Variants in ACTR1A observed in about 807,000 individuals in gnomAD.
ACTR1A encodes alpha-centractin.
ACTR1A carries 10 observed loss-of-function variants against 50.7 expected under a neutral mutation model. That is an observed-to-expected ratio of 0.20 (90% CI 0.12 to 0.33). ACTR1A has a LOEUF of 0.33. Ranked by LOEUF, ACTR1A falls within the 10% of genes least tolerant of loss-of-function variation. ACTR1A has a pLI of 1.00. For synonymous variants in ACTR1A, 177 were observed against 184.2 expected (o/e 0.96, Z 0.32); for missense variants, 253 against 491.7 (o/e 0.51, Z 4.59).
At chr10:102,502,043 A>G (rs920228138) in intron 1 of ACTR1A, among the ~76,000 whole-genome samples, 2 of 152,172 alleles carry the variant, frequency 1.3e-5, no homozygotes, top group Admixed American at 1.3e-4. Flanking sequence ...GACCGAAGGA[A>G]AACTTAGCCG....
chr10:102,486,810 A>C (rs1361587881), intron 4 of ACTR1A, among the ~76,000 whole-genome samples: 1 of 150,480 alleles, frequency 6.6e-6, no homozygotes, highest in Non-Finnish European at 1.5e-5. Flanking sequence ...TTTTGAGACA[A>C]GGTCTCACTC....
chr10:102,495,677 C>T (rs11191305), intron 1 of ACTR1A, among the ~76,000 whole-genome samples: 52,754 of 149,874 alleles, frequency 0.35, 9,462 homozygotes, highest in African/African-American at 0.39. Context: ...TGCAGTGAGC[C>T]GAGATTGCGC....
rs181270088 is a variant in ACTR1A at position 102,502,701 on chromosome 10, A to G, written c.-54T>C. On this transcript the variant is annotated 5_prime_UTR_variant, in exon 1 of 11. Coordinates refer to ENST00000369905, the MANE Select transcript of ACTR1A (RefSeq NM_005736.4). ...GAACTGCCCAGCCGGGTCCGCCGCTAGCGCCACTGACACGCATGCGCAGTC... is the reference window on the plus strand; with the variant it reads ...GAACTGCCCAGCCGGGTCCGCCGCTGGCGCCACTGACACGCATGCGCAGTC... The G allele has an allele frequency of 2.5e-6, 4 of 1,598,318 alleles. No homozygotes were observed. Among genetic ancestry groups the G allele is most frequent in the African/African-American group, 1.3e-5 (1 of 74,744 alleles).
intron 4 of ACTR1A, among the ~76,000 whole-genome samples, 164 bp from the exon 5 acceptor site, chr10:102,485,897 A>C (rs1194801998): frequency 6.6e-6 from 1 of 152,136 alleles, no homozygotes; most frequent in Non-Finnish European, 1.5e-5. Flanking sequence ...CTGCCCAAGT[A>C]GTTTTCTCAA....
intron 6 of ACTR1A, among the ~76,000 whole-genome samples, chr10:102,483,880 T>C (rs994067743): frequency 1.3e-5 from 2 of 152,116 alleles, no homozygotes; most frequent in African/African-American, 2.4e-5. Context: ...CCAAACCCTA[T>C]GTAATTTGCA....
At position 102,487,119 on chromosome 10, in the gene ACTR1A, A is replaced by C. The variant is rs940647716; in HGVS notation, c.315+1031T>G. ...TTTGAATGGAGAGTTACTTCCTTAC[A>C]AGTTAATAAGCACAGGCTGCACAAG... On this transcript the variant is annotated intron_variant, in intron 4 of 10. Coordinates refer to ENST00000369905, the MANE Select transcript of ACTR1A (RefSeq NM_005736.4). 2.9e-4 allele frequency among the ~76,000 whole-genome samples: 44 copies of C among 152,176 alleles called. No homozygotes were observed. The East Asian group carries it at 7.9e-3, about 27-fold the overall frequency.
intron 1 of ACTR1A, among the ~76,000 whole-genome samples, chr10:102,500,467 G>A (rs975421775): frequency 6.6e-6 from 1 of 152,154 alleles, no homozygotes; most frequent in African/African-American, 2.4e-5. Flanking sequence ...TACTCGGGAG[G>A]CTGAGGCAGG....
At chr10:102,489,244 AG>A in intron 2 of ACTR1A, 106 bp from the exon 3 acceptor site, 1 of 702,926 alleles carries the variant, frequency 1.4e-6, no homozygotes, top group Non-Finnish European at 2.1e-6. Context: ...ATTATCTTCA[AG>A]GAGTGAAGTC....
intron 2 of ACTR1A, 28 bp from the exon 3 acceptor site, chr10:102,489,166 A>G (rs2062181413): frequency 2.0e-6 from 3 of 1,512,146 alleles, no homozygotes; most frequent in Non-Finnish European, 1.8e-6. Flanking sequence ...GAGGACCATC[A>G]TTTTTCATTT....
Position 102,502,680 on chromosome 10 carries a change from T to C in ACTR1A, c.-33A>G, listed in dbSNP as rs1157267072. The stretch of plus-strand genomic sequence containing the variant: ...GAATCTCTCCTTCTGGGGAAGGAAC[T>C]GCCCAGCCGGGTCCGCCGCTAGCGC... On this transcript the variant is annotated 5_prime_UTR_variant, in exon 1 of 11. Transcript: ENST00000369905. The C allele has an allele frequency of 6.2e-7, 1 of 1,612,190 alleles. No individual in the cohort carries two copies. Among genetic ancestry groups the C allele is most frequent in the Non-Finnish European group, 8.5e-7 (1 of 1,178,602 alleles).
Position 102,479,319 on chromosome 10 carries a change from GC to G in ACTR1A, c.*1543del. 2 of 402,632 alleles carry G rather than the reference GC, an allele frequency of 5.0e-6. No individual in the cohort carries two copies. The highest frequency in any genetic ancestry group is 9.2e-6 in the Non-Finnish European group (2 of 216,532). The allele number at this position is 402,632 out of a possible 1,614,324, so 24.9% of individuals were successfully genotyped here. On this transcript the variant is annotated 3_prime_UTR_variant, in exon 11 of 11. Coordinates refer to ENST00000369905, the MANE Select transcript of ACTR1A (RefSeq NM_005736.4). The surrounding 1 kb of genome is among the most constrained non-coding windows in gnomAD (Gnocchi z 4.0). ...GAGGCTGTGCGAGGGACAGGCTTGG[GC>G]TAAGAGAAGGGAGGTGAGTTGGTTA...
At chr10:102,485,191 G>C (rs3781290) in intron 5 of ACTR1A, among the ~76,000 whole-genome samples, 55,709 of 151,968 alleles carry the variant, frequency 0.37, 10,373 homozygotes, top group Admixed American at 0.4. Context: ...CAGGAGCCAC[G>C]GGGGATGGGA....
At chr10:102,494,043 C>A (rs770445588) in intron 1 of ACTR1A, among the ~76,000 whole-genome samples, 1 of 152,196 alleles carries the variant, frequency 6.6e-6, no homozygotes, top group Non-Finnish European at 1.5e-5. Context: ...CAATTCTGCT[C>A]AAGCCACACA....
In ACTR1A at chr10:102,482,256, GCACGT is replaced by G. The variant is rs756461178; in HGVS notation, c.751-86_751-82del. The G allele has an allele frequency of 2.4e-4, 330 of 1,365,220 alleles. No individual in the cohort carries two copies. Among genetic ancestry groups the G allele is most frequent in the Non-Finnish European group, 3.3e-4 (323 of 978,688 alleles). 84.6% of individuals were successfully genotyped at this position (1,365,220 alleles called of 1,614,324 possible). A position where few individuals can be genotyped will look rare whatever the true frequency, so the allele number is the denominator to read the frequency against. ...GAGTGGGAATGGAAGACGCCCCTCT[GCACGT>G]CACTTAGTAACTGGGTGGCTATGAA... On this transcript the variant is annotated intron_variant, in intron 7 of 10. Transcript: ENST00000369905. This position sits in a 1 kb window ranked among gnomAD's most constrained non-coding sequence, Gnocchi z 5.6.
intron 1 of ACTR1A, among the ~76,000 whole-genome samples, chr10:102,491,486 G>C (rs1298590418): frequency 1.3e-5 from 2 of 152,112 alleles, no homozygotes. Flanking sequence ...GGAGATTTTT[G>C]TTGTTGTTTT....
chr10:102,485,257 T>A (rs1042894852), intron 5 of ACTR1A, among the ~76,000 whole-genome samples: 1 of 152,208 alleles, frequency 6.6e-6, no homozygotes, highest in African/African-American at 2.4e-5. Flanking sequence ...GCAGAGCAGC[T>A]GGCCACAGTA....
chr10:102,485,449 T>A (rs2135581399), intron 5 of ACTR1A, among the ~76,000 whole-genome samples, 160 bp downstream of exon 5: 1 of 152,322 alleles, frequency 6.6e-6, no homozygotes, highest in East Asian at 1.9e-4. Flanking sequence ...GCCTCAGTGC[T>A]CAGTTTCAGC....
chr10:102,480,330 G>T lies in ACTR1A; in HGVS notation c.*533C>A. The T allele has an allele frequency of 5.9e-6, 1 of 168,300 alleles. No homozygotes were observed. The highest frequency in any genetic ancestry group is 1.3e-5 in the Non-Finnish European group (1 of 76,886). The allele number at this position is 168,300 out of a possible 1,614,324, so 10.4% of individuals were successfully genotyped here. On this transcript the variant is annotated 3_prime_UTR_variant, in exon 11 of 11. Coordinates refer to ENST00000369905, the MANE Select transcript of ACTR1A (RefSeq NM_005736.4). The stretch of plus-strand genomic sequence containing the variant: ...CTCCAGTCTCTGTAATAGCTCTTGG[G>T]GTGCTTTTCCAGCCTCCCAAACCAA...
chr10:102,489,033 T>C (rs1256361943), intron 3 of ACTR1A, 30 bp downstream of exon 3: 6 of 1,499,828 alleles, frequency 4.0e-6, no homozygotes, highest in Non-Finnish European at 5.4e-6. Flanking sequence ...TCTGCTGGCT[T>C]AAGGCTTGTT....
Sources: allele counts gnomAD v4.1 joint callset (sites outside exome capture counted in the v4.1 genomes callset), GRCh38; gene constraint gnomAD v4.1.1; non-coding constraint Gnocchi (gnomAD v3.1); transcripts MANE v1.5; gene names NCBI Gene and HGNC (gene_info 2026-07-23, HGNC 2026-07-21).